The following AKAP13 variants were observed in gnomAD, a reference collection of about 807,000 sequenced individuals.
AKAP13 encodes A-kinase anchor protein 13.
Under a neutral mutation model 264.5 loss-of-function variants are expected in AKAP13, and 80 were observed. The observed-to-expected ratio is 0.30, with a 90% confidence interval of 0.25 to 0.36. AKAP13 has a LOEUF of 0.36. Among genes scored for constraint, AKAP13 ranks in the 10% least tolerant of loss-of-function variants. The pLI is 1.00. For synonymous variants in AKAP13, 1,380 were observed against 1,250.2 expected, an observed-to-expected ratio of 1.10 and a Z score of -2.19; for missense variants, 3,712 against 3,435.2, an observed-to-expected ratio of 1.08 and a Z score of -2.01.
intron 16 of AKAP13, among the ~76,000 whole-genome samples, chr15:85,689,207 A>G (rs1488675967): frequency 1.3e-5 from 2 of 152,222 alleles, no homozygotes; most frequent in Non-Finnish European, 2.9e-5. Flanking sequence ...GTAACAGGAC[A>G]TTCAGTTACA....
At chr15:85,545,251 G>A (rs1235703326) in intron 5 of AKAP13, among the ~76,000 whole-genome samples, 1 of 152,216 alleles carries the variant, frequency 6.6e-6, no homozygotes, top group Non-Finnish European at 1.5e-5. Flanking sequence ...GAGAGGCCTT[G>A]TTTCAGAAGT....
intron 1 of AKAP13, among the ~76,000 whole-genome samples, chr15:85,405,928 A>G (rs2071640480): frequency 6.6e-6 from 1 of 152,010 alleles, no homozygotes. Context: ...GCTCACCACA[A>G]CCTTGAACTC....
intron 1 of AKAP13, among the ~76,000 whole-genome samples, chr15:85,451,851 A>G (rs2074103056): frequency 6.6e-6 from 1 of 152,188 alleles, no homozygotes; most frequent in South Asian, 2.1e-4. Context: ...TCTTGAGGAT[A>G]ATCTTCATGT....
chr15:85,579,047 C>T lies in AKAP13; in HGVS notation c.979C>T (p.Pro327Ser), dbSNP rs1165353230. 8.7e-6 allele frequency: 14 copies of T among 1,614,154 alleles called. No homozygotes were observed. In the South Asian group the frequency reaches 1.2e-4, roughly 14 times the overall value. Residue 327 changes from proline to serine, a missense_variant, in exon 7 of 37, where the codon CCT (proline) becomes TCT (serine). By Grantham distance (74) the Pro-to-Ser change is moderately conservative. This residue lies in a region of AKAP13 where 2,759 missense variants were observed against 2,411.7 expected (regional missense o/e 1.14). Transcript: ENST00000394518. ...FLPCAPEPTD[P>S]QRLSSSEETE... The stretch of plus-strand genomic sequence containing the variant: ...TCCCTGTGCACCGGAGCCCACGGAC[C>T]CTCAGCGACTTTCTTCTTCTGAAGA...
intron 1 of AKAP13, among the ~76,000 whole-genome samples, chr15:85,430,203 T>G (rs139057964): frequency 6.1e-4 from 93 of 152,350 alleles, no homozygotes; most frequent in African/African-American, 2.1e-3. Flanking sequence ...GAGGTAAAGT[T>G]TACCCTTAAT....
intron 1 of AKAP13, among the ~76,000 whole-genome samples, chr15:85,460,602 T>C (rs1470178551): frequency 1.3e-5 from 2 of 152,224 alleles, no homozygotes; most frequent in African/African-American, 2.4e-5. Flanking sequence ...TCTGAAGATA[T>C]AATTAAGATG....
chr15:85,635,150 C>G, intron 8 of AKAP13: 1 of 398,048 alleles, frequency 2.5e-6, no homozygotes, highest in Non-Finnish European at 4.4e-6. Flanking sequence ...AACTGCTTTC[C>G]CAAAATGGCT....
intron 1 of AKAP13, among the ~76,000 whole-genome samples, chr15:85,482,247 C>T (rs1010331534): frequency 1.3e-5 from 2 of 152,144 alleles, no homozygotes; most frequent in African/African-American, 4.8e-5. Context: ...TAAATGATAT[C>T]TTCTCAGGGA....
At chr15:85,438,597 A>G (rs1326621894) in intron 1 of AKAP13, among the ~76,000 whole-genome samples, 2 of 147,064 alleles carry the variant, frequency 1.4e-5, no homozygotes, top group East Asian at 2.0e-4. Context: ...CCAAAACAGC[A>G]TGGTACTGGT....
chr15:85,687,553 G>A (rs1281957323), intron 16 of AKAP13, among the ~76,000 whole-genome samples: 5 of 152,058 alleles, frequency 3.3e-5, no homozygotes, highest in African/African-American at 1.2e-4. Flanking sequence ...TCTTGGGGTC[G>A]TGCTGTCTTT....
chr15:85,655,897 G>A, intron 11 of AKAP13, 110 bp downstream of exon 11: 1 of 1,452,656 alleles, frequency 6.9e-7, no homozygotes, highest in Non-Finnish European at 9.1e-7. Context: ...TAGTATAGAA[G>A]AAAGAATATA....
At chr15:85,398,627 C>T (rs1048044132) in intron 1 of AKAP13, among the ~76,000 whole-genome samples, 1 of 152,214 alleles carries the variant, frequency 6.6e-6, no homozygotes, top group East Asian at 1.9e-4. Flanking sequence ...GCAATCTCTA[C>T]TCAGTGCAAC....
At chr15:85,423,867 C>T (rs1289112788) in intron 1 of AKAP13, among the ~76,000 whole-genome samples, 4 of 152,206 alleles carry the variant, frequency 2.6e-5, no homozygotes, top group Non-Finnish European at 5.9e-5. Flanking sequence ...AGTGTGTTAG[C>T]AGGCATGAAA....
intron 8 of AKAP13, chr15:85,619,957 AG>A (rs1335807462): frequency 1.0e-5 from 15 of 1,456,962 alleles, no homozygotes; most frequent in Middle Eastern, 1.8e-4. Flanking sequence ...GAGTTTTAAT[AG>A]AGAGGAGTCT....
At position 85,579,031 on chromosome 15, in the gene AKAP13, A is replaced by C; in HGVS notation, c.963A>C (p.Ala321=). Residue 321 remains alanine (A), a synonymous_variant, in exon 7 of 37, where the codon GCA becomes GCC. Coordinates refer to ENST00000394518, the MANE Select transcript of AKAP13 (RefSeq NM_007200.5). ...CAGATGGCCAGTTTCTTCCCTGTGCACCGGAGCCCACGGACCCTCAGCGAC... is the reference window on the plus strand; with the variant it reads ...CAGATGGCCAGTTTCTTCCCTGTGCCCCGGAGCCCACGGACCCTCAGCGAC... ...PETDGQFLPC[A]PEPTDPQRLS... is the part of the protein sequence containing the mutation. 1 of 1,614,164 alleles carries C rather than the reference A, an allele frequency of 6.2e-7. No homozygotes were observed. Among genetic ancestry groups the C allele is most frequent in the Non-Finnish European group, 8.5e-7 (1 of 1,180,034 alleles).
chr15:85,711,465 G>A, intron 19 of AKAP13, among the ~76,000 whole-genome samples: 1 of 151,994 alleles, frequency 6.6e-6, no homozygotes, highest in South Asian at 2.1e-4. Flanking sequence ...TATTTTGTGT[G>A]AATTTAAATT....
At chr15:85,399,519 A>ATT (rs1450087789) in intron 1 of AKAP13, among the ~76,000 whole-genome samples, 5 of 124,578 alleles carry the variant, frequency 4.0e-5, no homozygotes, top group African/African-American at 1.0e-4. Context: ...AAAAAAAAAA[A>ATT]AAATAAAAAA....
intron 17 of AKAP13, chr15:85,702,386 A>G (rs2151670561): frequency 6.6e-6 from 1 of 152,332 alleles, no homozygotes; most frequent in African/African-American, 2.4e-5. Flanking sequence ...GTTTGTATGT[A>G]GGAAGTCCCA....
At chr15:85,396,723 A>G (rs1158580031) in intron 1 of AKAP13, among the ~76,000 whole-genome samples, 2 of 152,172 alleles carry the variant, frequency 1.3e-5, no homozygotes, top group African/African-American at 4.8e-5. Context: ...ACTCAAAGCA[A>G]ATGAGTGCTG....
Sources: allele counts gnomAD v4.1 joint callset (sites outside exome capture counted in the v4.1 genomes callset), GRCh38; gene constraint gnomAD v4.1.1; regional missense constraint gnomAD v4.1.1; transcripts MANE v1.5; gene names NCBI Gene and HGNC (gene_info 2026-07-23, HGNC 2026-07-21).